TSEN2: variants seen among roughly 807,000 people sequenced by gnomAD.
TSEN2 encodes tRNA splicing endonuclease subunit 2.
A neutral mutation model predicts 59.2 loss-of-function variants in TSEN2; 54 were observed. That is an observed-to-expected ratio of 0.91 (90% CI 0.73 to 1.14). The LOEUF (loss-of-function observed/expected upper bound fraction) is 1.14. Among genes scored for constraint, TSEN2 ranks in the 50% most tolerant of loss-of-function variants. The probability of loss-of-function intolerance (pLI) is 0.00; values close to 1 mark genes in which losing one functional copy is unlikely to be tolerated. For missense variants in TSEN2, 636 were observed against 576.2 expected, an observed-to-expected ratio of 1.10 and a Z score of -1.06; for synonymous variants, 195 against 198.2, an observed-to-expected ratio of 0.98 and a Z score of 0.14.
intron 6 of TSEN2, among the ~76,000 whole-genome samples, chr3:12,510,824 G>A (rs1426458407): frequency 2.0e-5 from 3 of 152,100 alleles, no homozygotes; most frequent in African/African-American, 7.2e-5. Flanking sequence ...CTAAACTTCT[G>A]AAAATTTTCC....
intron 8 of TSEN2, among the ~76,000 whole-genome samples, chr3:12,527,726 C>T (rs763523711): frequency 2.0e-5 from 3 of 152,092 alleles, no homozygotes; most frequent in Non-Finnish European, 2.9e-5. Flanking sequence ...CTCTGATTGG[C>T]GGCCCAATCA....
intron 8 of TSEN2, among the ~76,000 whole-genome samples, chr3:12,520,094 G>A (rs1385049531): frequency 6.6e-6 from 1 of 152,000 alleles, no homozygotes; most frequent in Admixed American, 6.6e-5. Context: ...CACCCCATGG[G>A]TTCACGCCGT....
chr3:12,503,169 T>C, intron 4 of TSEN2, 93 bp from the exon 5 acceptor site: 1 of 1,399,884 alleles, frequency 7.1e-7, no homozygotes, highest in Admixed American at 1.7e-5. Context: ...GTAAACATTT[T>C]GGTGTGTCAC....
chr3:12,516,767 G>A, intron 7 of TSEN2, 106 bp downstream of exon 7: 1 of 1,156,330 alleles, frequency 8.6e-7, no homozygotes, highest in Non-Finnish European at 1.3e-6. Context: ...TACTCTTACT[G>A]AATAAAATAG....
rs1195045000 is a variant in TSEN2, at chr3:12,489,729, A to G, written c.-17-55A>G. 4 of 1,492,810 alleles carry G rather than the reference A, an allele frequency of 2.7e-6. No individual in the cohort carries two copies. The African/African-American group carries it at 5.6e-5, about 21-fold the overall frequency. The allele number at this position is 1,492,810 out of a possible 1,614,324, so 92.5% of individuals were successfully genotyped here. A position where few individuals can be genotyped will look rare whatever the true frequency, so the allele number is the denominator to read the frequency against. On this transcript the variant is annotated intron_variant, in intron 1 of 11. Transcript: ENST00000284995. ...AGGTACAGATGTACTCACATTTTGG[A>G]TCAAGGTAGTTATTGATTGTCTGTT...
chr3:12,537,004 CAAAA>C (rs11285937), downstream of TSEN2, among the ~76,000 whole-genome samples: 2 of 138,294 alleles, frequency 1.4e-5, no homozygotes, highest in African/African-American at 5.3e-5. Flanking sequence ...AACTCCGTCT[CAAAA>C]AAAAAAAAAG....
At chr3:12,519,026 T>A (rs2056398481) in intron 7 of TSEN2, 33 bp from the exon 8 acceptor site, 1 of 1,612,620 alleles carries the variant, frequency 6.2e-7, no homozygotes. Context: ...GCATACATAG[T>A]AATGCTTTTT....
At chr3:12,523,000 G>C (rs982456878) in intron 8 of TSEN2, among the ~76,000 whole-genome samples, 1 of 152,122 alleles carries the variant, frequency 6.6e-6, no homozygotes, top group Non-Finnish European at 1.5e-5. Flanking sequence ...GAGGTCTGTA[G>C]TAGTAGCTTC....
chr3:12,503,535 G>A lies in TSEN2; in HGVS notation c.582G>A (p.Gln194=). 6.2e-7 allele frequency: 1 copy of A among 1,612,594 alleles called. No individual in the cohort carries two copies. Among genetic ancestry groups the A allele is most frequent in the Non-Finnish European group, 8.5e-7 (1 of 1,178,684 alleles). Residue 194 remains glutamine (Q), a synonymous_variant, in exon 5 of 12, where the codon CAG becomes CAA. Transcript: ENST00000284995. ...GDPREPLGCL[Q]EGSGCHPTTE... is the part of the protein sequence containing the mutation. Reference sequence around the variant, plus strand: ...CCCGTGAGCCATTAGGCTGCCTGCAGGAGGGCTCTGGCTGCCACCCAACAA... The same window carrying A: ...CCCGTGAGCCATTAGGCTGCCTGCAAGAGGGCTCTGGCTGCCACCCAACAA...
chr3:12,489,980 C>G lies in TSEN2; in HGVS notation c.180C>G (p.Leu60=), dbSNP rs1234610507. The G allele has an allele frequency of 6.2e-7, 1 of 1,614,124 alleles. No homozygotes were observed. The highest frequency in any genetic ancestry group is 1.3e-5 in the African/African-American group (1 of 75,040). The change falls in exon 2 of 12, where the codon CTC becomes CTG. Residue 60 remains leucine (L), a synonymous_variant. Coordinates refer to ENST00000284995, the MANE Select transcript of TSEN2 (RefSeq NM_025265.4). ...IVRNAEDIEQ[L]YGKGYFGKGI... ...GGAATGCGGAGGACATTGAGCAGCT[C>G]TATGGGAAAGTAAGTGCAGGCAGCC... is the stretch of plus-strand genomic sequence containing the variant.
chr3:12,519,253 T>G, intron 8 of TSEN2, 56 bp downstream of exon 8: 1 of 1,603,574 alleles, frequency 6.2e-7, no homozygotes, highest in Non-Finnish European at 8.5e-7. Context: ...AGATTCACCC[T>G]AGAATATCAA....
rs772692657 is a variant in TSEN2, at chr3:12,516,637, A to G, written c.936A>G (p.Gly312=). 2 of 1,613,872 alleles carry G rather than the reference A, an allele frequency of 1.2e-6. No homozygotes were observed. The highest frequency in any genetic ancestry group is 1.1e-5 in the South Asian group (1 of 91,056). The change falls in exon 7 of 12, where the codon GGA becomes GGG. Residue 312 remains glycine (G), a synonymous_variant. Transcript: ENST00000284995. ...CCTTTTTCTTGGTCTATGCTCTGGGATGTTTAAGTATTTACTATGAGAAGG... is the reference window on the plus strand; with the variant it reads ...CCTTTTTCTTGGTCTATGCTCTGGGGTGTTTAAGTATTTACTATGAGAAGG... The part of the protein sequence containing the change: ...EEAFFLVYAL[G]CLSIYYEKEP...
At chr3:12,496,658 TTC>T in intron 4 of TSEN2, 104 bp downstream of exon 4, 1 of 1,225,290 alleles carries the variant, frequency 8.2e-7, no homozygotes, top group Non-Finnish European at 1.2e-6. Context: ...CTTTTTTTCT[TTC>T]TGTTTTTGGT....
chr3:12,485,967 A>G (rs1179192220), intron 1 of TSEN2, among the ~76,000 whole-genome samples: 1 of 152,168 alleles, frequency 6.6e-6, no homozygotes, highest in Admixed American at 6.5e-5. Context: ...ATATATAACA[A>G]TTATTTAGTA....
chr3:12,532,335 G>C (rs534965271), intron 11 of TSEN2, among the ~76,000 whole-genome samples: 6 of 152,236 alleles, frequency 3.9e-5, no homozygotes, highest in Non-Finnish European at 4.4e-5. Context: ...AGCTGGCCCC[G>C]TTACAGCAAT....
chr3:12,514,807 A>AAAC (rs763585392), intron 6 of TSEN2: 5 of 152,190 alleles, frequency 3.3e-5, no homozygotes, highest in East Asian at 3.8e-4. Context: ...TCCATATTAA[A>AAAC]AACAACAACA....
chr3:12,521,853 T>C (rs2056662733), intron 8 of TSEN2, among the ~76,000 whole-genome samples: 1 of 151,774 alleles, frequency 6.6e-6, no homozygotes, highest in South Asian at 2.1e-4. Context: ...CTACTAAAAA[T>C]ACAAAAAATT....
At position 12,528,736 on chromosome 3, in the gene TSEN2, G is replaced by A. The variant is rs1054925849; in HGVS notation, c.1100-152G>A. ...CCCTGTCTGAAAAAATAGACCACAGGCATATTGCAGATGATCTGTCTACAT... is the reference window on the plus strand; with the variant it reads ...CCCTGTCTGAAAAAATAGACCACAGACATATTGCAGATGATCTGTCTACAT... On this transcript the variant is annotated intron_variant, in intron 8 of 11. Transcript: ENST00000284995. The A allele has an allele frequency of 4.0e-5, 30 of 755,304 alleles. No homozygotes were observed. The African/African-American group carries it at 4.9e-4, about 12-fold the overall frequency. The allele number at this position is 755,304 out of a possible 1,614,324, so 46.8% of individuals were successfully genotyped here. A position where few individuals can be genotyped will look rare whatever the true frequency, so the allele number is the denominator to read the frequency against.
intron 2 of TSEN2, 121 bp downstream of exon 2, chr3:12,490,110 C>T (rs750199070): frequency 2.4e-5 from 24 of 999,152 alleles, no homozygotes; most frequent in Non-Finnish European, 3.5e-5. Context: ...TCTTTCCTTG[C>T]GGTTTGGTCC....
Sources: allele counts gnomAD v4.1 joint callset (sites outside exome capture counted in the v4.1 genomes callset), GRCh38; gene constraint gnomAD v4.1.1; transcripts MANE v1.5; gene names NCBI Gene and HGNC (gene_info 2026-07-23, HGNC 2026-07-21).